RALA: variants seen among roughly 807,000 people sequenced by gnomAD.
RALA encodes RAS like proto-oncogene A.
A neutral mutation model predicts 24.0 loss-of-function variants in RALA; 5 were observed. That is an observed-to-expected ratio of 0.21 (90% confidence interval 0.11 to 0.44). RALA has a LOEUF of 0.44. RALA is among the 20% of genes least tolerant of loss of function. The pLI, the probability that RALA is intolerant of heterozygous loss-of-function variation, is 0.99. For missense variants in RALA, 95 were observed against 241.2 expected (o/e 0.39, Z 4.01); for synonymous variants, 77 against 83.8 (o/e 0.92, Z 0.44).
intron 1 of RALA, among the ~76,000 whole-genome samples, chr7:39,650,885 A>G (rs1214158935): frequency 6.6e-6 from 1 of 152,082 alleles, no homozygotes; most frequent in African/African-American, 2.4e-5. Flanking sequence ...ATTCATGGCT[A>G]TTGGCAGGAG....
chr7:39,664,444 C>T lies in RALA; in HGVS notation c.-37-22187C>T, dbSNP rs1368391892. Among the ~76,000 whole-genome samples the T allele has an allele frequency of 2.6e-5, 4 of 152,246 alleles. No individual in the cohort carries two copies. In the East Asian group the frequency reaches 7.7e-4, roughly 29 times the overall value. The stretch of plus-strand genomic sequence containing the variant: ...TTTGATATTGGATAATGCCCCTGGC[C>T]ACCCCAAACCCTATGAGGTCGAAAC... On this transcript the variant is annotated intron_variant, in intron 1 of 4. Transcript: ENST00000005257.
chr7:39,664,508 C>T lies in RALA; in HGVS notation c.-37-22123C>T, dbSNP rs566967835. On this transcript the variant is annotated intron_variant, in intron 1 of 4. Coordinates refer to ENST00000005257, the MANE Select transcript of RALA (RefSeq NM_005402.4). ...GTAGTCTACTTGCCACCAAACACTA[C>T]GTCTCTGAATTCAGCTTCTAGATTG... is the stretch of plus-strand genomic sequence containing the variant. 1.2e-3 allele frequency among the ~76,000 whole-genome samples: 181 copies of T among 152,242 alleles called. 2 individuals carry two copies. The highest frequency in any genetic ancestry group is 3.9e-3 in the African/African-American group (160 of 41,552).
chr7:39,651,264 T>TA (rs1202613660), intron 1 of RALA, among the ~76,000 whole-genome samples: 1 of 152,236 alleles, frequency 6.6e-6, no homozygotes, highest in African/African-American at 2.4e-5. Context: ...ATTTTCGACT[T>TA]ATGATGTTTT....
rs187082187 is a variant in RALA, at chr7:39,637,401, A to G, written c.-38+13576A>G. ...CACATTTATTAACCTTCATTCAACAATTCTTTTGAACACACCTGTAACTTA... is the reference window on the plus strand; with the variant it reads ...CACATTTATTAACCTTCATTCAACAGTTCTTTTGAACACACCTGTAACTTA... On this transcript the variant is annotated intron_variant, in intron 1 of 4. Coordinates refer to ENST00000005257, the MANE Select transcript of RALA (RefSeq NM_005402.4). Among the ~76,000 whole-genome samples the G allele has an allele frequency of 2.0e-5, 3 of 152,346 alleles. No homozygotes were observed. The East Asian group carries it at 5.8e-4, about 29-fold the overall frequency.
intron 1 of RALA, among the ~76,000 whole-genome samples, chr7:39,677,517 G>A (rs1583740823): frequency 2.3e-5 from 2 of 86,116 alleles, no homozygotes; most frequent in Admixed American, 1.4e-4. Flanking sequence ...ATAAACATAC[G>A]TGTGCATGTG....
At chr7:39,631,894 A>C (rs1339034882) in intron 1 of RALA, among the ~76,000 whole-genome samples, 1 of 152,200 alleles carries the variant, frequency 6.6e-6, no homozygotes, top group Non-Finnish European at 1.5e-5. Flanking sequence ...ACGGTTCTGC[A>C]GGCTGTACTG....
chr7:39,672,666 A>T lies in RALA; in HGVS notation c.-37-13965A>T, dbSNP rs150966522. Among the ~76,000 whole-genome samples, 494 of 145,108 alleles carry T rather than the reference A, an allele frequency of 3.4e-3. 3 individuals carry two copies. Among genetic ancestry groups the T allele is most frequent in the African/African-American group, 0.012 (473 of 39,398 alleles). On this transcript the variant is annotated intron_variant, in intron 1 of 4. Coordinates refer to ENST00000005257, the MANE Select transcript of RALA (RefSeq NM_005402.4). ...TTCAGTCGTAAAAAAAAAAAAAAAG[A>T]TGCATGCACTGATACATGCAACAAT...
In RALA at chr7:39,682,395, T is replaced by C. The variant is rs1792620449; in HGVS notation, c.-37-4236T>C. Among the ~76,000 whole-genome samples, 3 of 152,208 alleles carry C rather than the reference T, an allele frequency of 2.0e-5. No homozygotes were observed. The South Asian group carries it at 6.2e-4, about 32-fold the overall frequency. ...AGCCTCCTATACTTTCAACTCTTGATACTTCCACTGTCCATTCTCTACACA... is the reference window on the plus strand; with the variant it reads ...AGCCTCCTATACTTTCAACTCTTGACACTTCCACTGTCCATTCTCTACACA... On this transcript the variant is annotated intron_variant, in intron 1 of 4. Transcript: ENST00000005257.
At position 39,689,523 on chromosome 7, in the gene RALA, T is replaced by G. The variant is rs1244145827; in HGVS notation, c.115-859T>G. Among the ~76,000 whole-genome samples the G allele has an allele frequency of 2.0e-5, 3 of 152,190 alleles. No individual in the cohort carries two copies. The East Asian group carries it at 5.8e-4, about 29-fold the overall frequency. ...AAATTCTAATGACAAGATACAGTCA[T>G]AGCAAATAAATAAGAATGTATCAGA... On this transcript the variant is annotated intron_variant, in intron 2 of 4. Coordinates refer to ENST00000005257, the MANE Select transcript of RALA (RefSeq NM_005402.4).
chr7:39,634,196 G>A (rs941915672), intron 1 of RALA, among the ~76,000 whole-genome samples: 4 of 152,102 alleles, frequency 2.6e-5, no homozygotes, highest in African/African-American at 9.7e-5. Flanking sequence ...AGTATTTAAT[G>A]ATCTCTTCTT....
intron 1 of RALA, among the ~76,000 whole-genome samples, chr7:39,636,076 T>G (rs1194828406): frequency 1.3e-5 from 2 of 152,270 alleles, no homozygotes; most frequent in African/African-American, 2.4e-5. Context: ...TGTTCCATTG[T>G]GTGGGTATGC....
intron 1 of RALA, among the ~76,000 whole-genome samples, chr7:39,637,553 A>G (rs1791705321): frequency 6.6e-6 from 1 of 152,184 alleles, no homozygotes. Flanking sequence ...TTATACTTTT[A>G]GTTTCATTTG....
intron 2 of RALA, among the ~76,000 whole-genome samples, chr7:39,687,154 G>A (rs992213521): frequency 5.3e-5 from 8 of 152,104 alleles, no homozygotes; most frequent in African/African-American, 1.4e-4. Flanking sequence ...GGCTGGGCAC[G>A]CACGGTGGCT....
chr7:39,641,075 C>T (rs1791807358), intron 1 of RALA, among the ~76,000 whole-genome samples: 1 of 152,048 alleles, frequency 6.6e-6, no homozygotes, highest in Admixed American at 6.6e-5. Flanking sequence ...GAGTCTCATG[C>T]CTTGCTTTTG....
rs78514563 is a variant in RALA, at chr7:39,644,202, T to G, written c.-38+20377T>G. Among the ~76,000 whole-genome samples the G allele has an allele frequency of 1.2e-3, 142 of 120,432 alleles. 1 individual carries two copies. Among genetic ancestry groups the G allele is most frequent in the Admixed American group, 0.011 (141 of 12,886 alleles). 79.0% of individuals were successfully genotyped at this position (120,432 alleles called of 152,430 possible). A position where few individuals can be genotyped will look rare whatever the true frequency, so the allele number is the denominator to read the frequency against. On this transcript the variant is annotated intron_variant, in intron 1 of 4. Coordinates refer to ENST00000005257, the MANE Select transcript of RALA (RefSeq NM_005402.4). ...ATGGTCTTGCTGGGAAATTCCTATGTTTTTTTTTTTTTTAATTTGTATGTG... is the reference window on the plus strand; with the variant it reads ...ATGGTCTTGCTGGGAAATTCCTATGGTTTTTTTTTTTTTAATTTGTATGTG...
intron 1 of RALA, among the ~76,000 whole-genome samples, chr7:39,674,086 T>TAAAA (rs1190206002): frequency 5.6e-4 from 80 of 142,906 alleles, no homozygotes; most frequent in South Asian, 2.2e-4. Flanking sequence ...AATAAATAAA[T>TAAAA]AAAAGGTTGA....
At chr7:39,644,886 T>A (rs1482480618) in intron 1 of RALA, among the ~76,000 whole-genome samples, 2 of 152,248 alleles carry the variant, frequency 1.3e-5, no homozygotes, top group African/African-American at 4.8e-5. Flanking sequence ...TAAACTTTTC[T>A]ATGCCTTTAG....
At chr7:39,672,508 G>T (rs955041134) in intron 1 of RALA, among the ~76,000 whole-genome samples, 1 of 152,126 alleles carries the variant, frequency 6.6e-6, no homozygotes, top group Non-Finnish European at 1.5e-5. Context: ...TACCAGTTCT[G>T]CATCTGTTGT....
chr7:39,638,071 C>T (rs1013222758), intron 1 of RALA, among the ~76,000 whole-genome samples: 4 of 152,156 alleles, frequency 2.6e-5, no homozygotes, highest in Non-Finnish European at 5.9e-5. Context: ...TAATGTCTCT[C>T]TCTTTTTTTA....
Sources: gnomAD v4.1 joint callset for allele counts (sites outside exome capture counted in the v4.1 genomes callset) on GRCh38, gnomAD v4.1.1 for gene constraint, MANE v1.5 for transcripts, NCBI Gene and HGNC (gene_info 2026-07-23, HGNC 2026-07-21) for gene names.